The following HS6ST3 variants were observed in gnomAD, a reference collection of about 807,000 sequenced individuals.
HS6ST3 encodes the protein heparan sulfate 6-O-sulfotransferase 3.
In HS6ST3, 12 loss-of-function variants were observed where a neutral mutation model predicts 36.7. The ratio of observed to expected loss-of-function variants is 0.33; its 90% CI spans 0.21 to 0.53. The LOEUF is 0.53. Among genes scored for constraint, HS6ST3 ranks in the 20% least tolerant of loss-of-function variants. HS6ST3 has a pLI of 0.95. For missense variants in HS6ST3, 584 were observed against 640.9 expected, an observed-to-expected ratio of 0.91 and a Z score of 0.96; for synonymous variants, 240 against 257.5, an observed-to-expected ratio of 0.93 and a Z score of 0.65.
intron 1 of HS6ST3, among the ~76,000 whole-genome samples, chr13:96,480,231 A>G (rs1187698551): frequency 1.3e-5 from 2 of 152,148 alleles, no homozygotes; most frequent in African/African-American, 4.8e-5. Context: ...CTTCTGCCTC[A>G]GCCTCCCGAG....
At chr13:96,666,995 A>G (rs2056666180) in intron 1 of HS6ST3, among the ~76,000 whole-genome samples, 1 of 152,138 alleles carries the variant, frequency 6.6e-6, no homozygotes, top group Non-Finnish European at 1.5e-5. Flanking sequence ...TCATGGAATC[A>G]AAAATATCTT....
intron 1 of HS6ST3, among the ~76,000 whole-genome samples, chr13:96,578,504 T>C (rs1394921395): frequency 6.6e-6 from 1 of 152,204 alleles, no homozygotes; most frequent in African/African-American, 2.4e-5. Context: ...CCGTTTCCTT[T>C]GTCCTTGGGC....
chr13:96,129,364 G>A (rs1475686246), intron 1 of HS6ST3, among the ~76,000 whole-genome samples: 1 of 152,210 alleles, frequency 6.6e-6, no homozygotes, highest in African/African-American at 2.4e-5. Flanking sequence ...CCTGATAACT[G>A]TATTAAGGCA....
At chr13:96,643,358 C>A (rs992488182) in intron 1 of HS6ST3, among the ~76,000 whole-genome samples, 7 of 151,904 alleles carry the variant, frequency 4.6e-5, no homozygotes, top group African/African-American at 1.7e-4. Context: ...TATTCCTTAG[C>A]ATACACACAG....
intron 1 of HS6ST3, among the ~76,000 whole-genome samples, chr13:96,371,300 A>G (rs1281566067): frequency 1.3e-5 from 2 of 152,216 alleles, no homozygotes; most frequent in Non-Finnish European, 2.9e-5. Context: ...ATATCTTTTT[A>G]GAAATCTTTT....
chr13:96,237,549 C>T (rs1443752088), intron 1 of HS6ST3, among the ~76,000 whole-genome samples: 3 of 152,140 alleles, frequency 2.0e-5, no homozygotes, highest in Admixed American at 1.3e-4. Flanking sequence ...TAAAAATAAA[C>T]CTCAAATAGT....
chr13:96,388,474 G>A (rs1283859407), intron 1 of HS6ST3, among the ~76,000 whole-genome samples: 4 of 152,172 alleles, frequency 2.6e-5, no homozygotes, highest in Non-Finnish European at 2.9e-5. Context: ...TCTGCAAACC[G>A]AGTAGGTTGT....
Position 96,833,140 on chromosome 13 carries a change from A to G in HS6ST3, c.1358A>G (p.Asp453Gly), listed in dbSNP as rs778912839. 3 of 1,599,208 alleles carry G rather than the reference A, an allele frequency of 1.9e-6. No homozygotes were observed. The Admixed American group carries it at 5.0e-5, about 27-fold the overall frequency. Residue 453 changes from aspartate (D) to glycine (G), a missense_variant, in exon 2 of 2, where the codon GAT becomes GGT. By Grantham distance (94) the Asp-to-Gly change is moderately conservative. This residue lies in a region of HS6ST3 where 360 missense variants were observed against 411.3 expected (regional missense o/e 0.88). Coordinates refer to ENST00000376705, the MANE Select transcript of HS6ST3 (RefSeq NM_153456.4). ...AGGGACCACCAGTGGCCCAAAGAAGATGGGGCTGCAGAAGGGACTGTCACC... is the reference window on the plus strand; with the variant it reads ...AGGGACCACCAGTGGCCCAAAGAAGGTGGGGCTGCAGAAGGGACTGTCACC... ...EHRDHQWPKE[D>G]GAAEGTVTED...
intron 1 of HS6ST3, among the ~76,000 whole-genome samples, chr13:96,269,458 C>G (rs1033928883): frequency 6.6e-6 from 1 of 151,974 alleles, no homozygotes; most frequent in Non-Finnish European, 1.5e-5. Flanking sequence ...TACAACTAAG[C>G]ATCAATAGCT....
At chr13:96,430,419 G>T (rs1281324668) in intron 1 of HS6ST3, among the ~76,000 whole-genome samples, 1 of 152,152 alleles carries the variant, frequency 6.6e-6, no homozygotes, top group Non-Finnish European at 1.5e-5. Context: ...TTCCAGGACG[G>T]TGTCTCCATG....
intron 1 of HS6ST3, among the ~76,000 whole-genome samples, chr13:96,163,357 G>A (rs1185858033): frequency 1.3e-5 from 2 of 150,840 alleles, no homozygotes; most frequent in South Asian, 2.1e-4. Flanking sequence ...AGCCTCCTGA[G>A]TATCTGGGAC....
At chr13:96,411,208 C>T (rs919651343) in intron 1 of HS6ST3, among the ~76,000 whole-genome samples, 1 of 152,108 alleles carries the variant, frequency 6.6e-6, no homozygotes, top group Non-Finnish European at 1.5e-5. Context: ...CTTAGCCACC[C>T]CCACAGTCCC....
At chr13:96,705,251 C>T (rs940383799) in intron 1 of HS6ST3, among the ~76,000 whole-genome samples, 2 of 152,158 alleles carry the variant, frequency 1.3e-5, no homozygotes, top group Non-Finnish European at 2.9e-5. Flanking sequence ...AGTTTCACTA[C>T]CTAAAAATTC....
chr13:96,581,742 T>C (rs1395410378), intron 1 of HS6ST3, among the ~76,000 whole-genome samples: 12 of 152,068 alleles, frequency 7.9e-5, no homozygotes, highest in Admixed American at 7.9e-4. Context: ...ATAATCTGGA[T>C]TGAGAAAGAG....
intron 1 of HS6ST3, among the ~76,000 whole-genome samples, chr13:96,432,199 A>G (rs756337552): frequency 1.2e-4 from 19 of 152,326 alleles, no homozygotes; most frequent in Middle Eastern, 3.4e-3. Context: ...TCTCTTATGT[A>G]GAAATTAATA....
In HS6ST3 at chr13:96,257,827, A is replaced by T. The variant is rs376518680; in HGVS notation, c.707+166258A>T. The stretch of plus-strand genomic sequence containing the variant: ...ACAGAGTATTAGAGAGAAGAAGAAC[A>T]GTAGGAAATACATTCCACAGGAGAT... On this transcript the variant is annotated intron_variant, in intron 1 of 1. Transcript: ENST00000376705. 2.2e-4 allele frequency among the ~76,000 whole-genome samples: 33 copies of T among 152,372 alleles called. No homozygotes were observed. The South Asian group carries it at 6.8e-3, about 32-fold the overall frequency.
At chr13:96,685,519 C>A (rs1176768848) in intron 1 of HS6ST3, among the ~76,000 whole-genome samples, 1 of 151,922 alleles carries the variant, frequency 6.6e-6, no homozygotes, top group Non-Finnish European at 1.5e-5. Context: ...GTGTTAGATA[C>A]TACATAGAAA....
chr13:96,487,056 T>C (rs1422606922), intron 1 of HS6ST3, among the ~76,000 whole-genome samples: 1 of 152,160 alleles, frequency 6.6e-6, no homozygotes, highest in Non-Finnish European at 1.5e-5. Context: ...CCCTGTTCAA[T>C]TATCAATTAC....
At chr13:96,457,883 T>C (rs1392586237) in intron 1 of HS6ST3, among the ~76,000 whole-genome samples, 1 of 152,174 alleles carries the variant, frequency 6.6e-6, no homozygotes, top group Non-Finnish European at 1.5e-5. Flanking sequence ...TTTACAATCA[T>C]GTCACCTGTT....
Sources: allele counts gnomAD v4.1 joint callset (sites outside exome capture counted in the v4.1 genomes callset), GRCh38; gene constraint gnomAD v4.1.1; regional missense constraint gnomAD v4.1.1; transcripts MANE v1.5; gene names NCBI Gene and HGNC (gene_info 2026-07-23, HGNC 2026-07-21).